Variants in TSPAN5 observed in about 807,000 individuals in gnomAD.
TSPAN5 encodes the protein tetraspanin 5.
TSPAN5 carries 10 observed loss-of-function variants against 37.1 expected under a neutral mutation model. The observed-to-expected ratio is 0.27, with a 90% CI of 0.17 to 0.46. The LOEUF is 0.46. Among genes scored for constraint, TSPAN5 ranks in the 20% least tolerant of loss-of-function variants. The probability of loss-of-function intolerance (pLI) is 1.00; values close to 1 mark genes in which losing one functional copy is unlikely to be tolerated. For missense variants in TSPAN5, 195 were observed against 326.6 expected (o/e 0.60, Z 3.11); for synonymous variants, 110 against 118.9 (o/e 0.93, Z 0.48).
chr4:98,492,220 G>A (rs1450746802), intron 2 of TSPAN5, among the ~76,000 whole-genome samples: 3 of 152,158 alleles, frequency 2.0e-5, no homozygotes, highest in Non-Finnish European at 4.4e-5. Flanking sequence ...TTTCTCTAGT[G>A]GCTGAGACTC....
At chr4:98,571,692 C>G (rs1755123953) in intron 1 of TSPAN5, among the ~76,000 whole-genome samples, 1 of 152,122 alleles carries the variant, frequency 6.6e-6, no homozygotes, top group South Asian at 2.1e-4. Flanking sequence ...AACCTGGATG[C>G]AAATCACGGC....
chr4:98,609,540 C>T (rs1237669369), intron 1 of TSPAN5, among the ~76,000 whole-genome samples: 1 of 152,184 alleles, frequency 6.6e-6, no homozygotes, highest in Non-Finnish European at 1.5e-5. Flanking sequence ...ACACAGGACA[C>T]AAGAGTGGAG....
chr4:98,473,960 C>T (rs937814229), intron 7 of TSPAN5, among the ~76,000 whole-genome samples: 1 of 152,048 alleles, frequency 6.6e-6, no homozygotes, highest in Non-Finnish European at 1.5e-5. Flanking sequence ...TTATTGTTGA[C>T]TTTTTAAAGT....
chr4:98,632,131 T>G (rs554895679), intron 1 of TSPAN5, among the ~76,000 whole-genome samples: 1 of 152,294 alleles, frequency 6.6e-6, no homozygotes, highest in East Asian at 1.9e-4. Context: ...TGCCTCTGAC[T>G]GGCAGAAGTA....
chr4:98,545,324 C>G (rs1015243461), intron 1 of TSPAN5, among the ~76,000 whole-genome samples: 1 of 152,168 alleles, frequency 6.6e-6, no homozygotes, highest in Non-Finnish European at 1.5e-5. Flanking sequence ...ATGGCCAATG[C>G]CAAAAGCAAT....
chr4:98,482,206 G>A, intron 3 of TSPAN5, 31 bp from the exon 4 acceptor site: 6 of 1,601,424 alleles, frequency 3.7e-6, no homozygotes, highest in Non-Finnish European at 5.1e-6. Context: ...ACAGAGAACA[G>A]TTATAAGGGC....
chr4:98,526,618 G>T (rs1352571367), intron 1 of TSPAN5, among the ~76,000 whole-genome samples: 1 of 151,894 alleles, frequency 6.6e-6, no homozygotes, highest in African/African-American at 2.4e-5. Context: ...TGCAGTAAAT[G>T]CCATAAATGA....
At chr4:98,575,031 G>GGCCAGAGCCAGA (rs138725206) in intron 1 of TSPAN5, 97,205 of 155,310 alleles carry the variant, frequency 0.63, 30,996 homozygotes, top group South Asian at 0.78. Context: ...TGCAGACAAG[G>GGCCAGAGCCAGA]GCCAGAGCCA....
At chr4:98,583,180 C>A (rs553696597) in intron 1 of TSPAN5, among the ~76,000 whole-genome samples, 1 of 152,072 alleles carries the variant, frequency 6.6e-6, no homozygotes, top group East Asian at 1.9e-4. Context: ...CAGTTTAGTC[C>A]GATATTTTCA....
At chr4:98,628,783 CT>C (rs1756667229) in intron 1 of TSPAN5, among the ~76,000 whole-genome samples, 1 of 152,198 alleles carries the variant, frequency 6.6e-6, no homozygotes, top group African/African-American at 2.4e-5. Context: ...AAAATTACTA[CT>C]CAACTTGCTG....
At chr4:98,587,911 C>A (rs537675721) in intron 1 of TSPAN5, among the ~76,000 whole-genome samples, 13 of 152,088 alleles carry the variant, frequency 8.5e-5, no homozygotes, top group African/African-American at 3.1e-4. Flanking sequence ...ACAACAACAA[C>A]AACAAAACAA....
At chr4:98,507,240 T>A (rs1036083381) in intron 2 of TSPAN5, among the ~76,000 whole-genome samples, 1 of 152,202 alleles carries the variant, frequency 6.6e-6, no homozygotes, top group African/African-American at 2.4e-5. Flanking sequence ...TGCTAATAGT[T>A]GTTTACCACA....
At chr4:98,516,925 C>T (rs576457808) in intron 1 of TSPAN5, among the ~76,000 whole-genome samples, 9 of 152,282 alleles carry the variant, frequency 5.9e-5, no homozygotes, top group African/African-American at 2.2e-4. Flanking sequence ...GAAGCCCTTG[C>T]CAGAAACCAG....
intron 4 of TSPAN5, 35 bp downstream of exon 4, chr4:98,481,970 A>G (rs1339923472): frequency 6.8e-6 from 11 of 1,607,456 alleles, no homozygotes; most frequent in Non-Finnish European, 8.5e-6. Context: ...CGTTCAGAGA[A>G]CTTTCAACTT....
intron 5 of TSPAN5, 112 bp downstream of exon 5, chr4:98,478,573 T>C (rs1752758109): frequency 1.5e-6 from 2 of 1,312,374 alleles, no homozygotes; most frequent in Non-Finnish European, 2.2e-6. Context: ...GAGCTACAAA[T>C]ACGAGTAACC....
chr4:98,651,346 C>G (rs1757181329), intron 1 of TSPAN5, among the ~76,000 whole-genome samples: 1 of 152,216 alleles, frequency 6.6e-6, no homozygotes, highest in African/African-American at 2.4e-5. Context: ...AGACTAAAAA[C>G]ATGTAACTAA....
intron 1 of TSPAN5, among the ~76,000 whole-genome samples, chr4:98,572,827 C>G (rs1407789139): frequency 1.3e-5 from 2 of 152,192 alleles, no homozygotes; most frequent in African/African-American, 2.4e-5. Flanking sequence ...CCTCATTCAC[C>G]TGGAACATGT....
intron 3 of TSPAN5, chr4:98,485,351 A>G (rs1752936985): frequency 6.6e-6 from 1 of 152,106 alleles, no homozygotes; most frequent in Admixed American, 6.6e-5. Flanking sequence ...AGAATGAAGC[A>G]TTTGGTTGTG....
rs557292634 is a variant in TSPAN5, at chr4:98,533,796, C to T, written c.82-26068G>A. ...CGATCGCCTGACCTCGTGATCCGCC[C>T]GCCTCGGCCTCCCAAAGTGCTGGGA... On this transcript the variant is annotated intron_variant, in intron 1 of 7. Transcript: ENST00000305798. Among the ~76,000 whole-genome samples the T allele has an allele frequency of 2.0e-4, 30 of 149,696 alleles. 2 individuals are homozygous for T. Among genetic ancestry groups the T allele is most frequent in the African/African-American group, 4.4e-4 (18 of 40,876 alleles).
Sources: allele counts gnomAD v4.1 joint callset (sites outside exome capture counted in the v4.1 genomes callset), GRCh38; gene constraint gnomAD v4.1.1; transcripts MANE v1.5; gene names NCBI Gene and HGNC (gene_info 2026-07-23, HGNC 2026-07-21).